The following CPM variants were observed in gnomAD, a reference collection of about 807,000 sequenced individuals.
The protein encoded by CPM is renal carboxypeptidase.
CPM carries 35 observed loss-of-function variants against 46.4 expected under a neutral mutation model. The observed-to-expected ratio is 0.75, with a 90% CI of 0.58 to 1.00. The LOEUF is 1.00. Among genes scored for constraint, CPM ranks in the 50% least tolerant of loss-of-function variants. The pLI is 0.00. For synonymous variants in CPM, 195 were observed against 195.3 expected, an observed-to-expected ratio of 1.00 and a Z score of 0.01; for missense variants, 422 against 530.4, an observed-to-expected ratio of 0.80 and a Z score of 2.01.
At chr12:68,848,632 A>G (rs1373794078), downstream of CPM, 1 of 152,232 alleles carries the variant, frequency 6.6e-6, no homozygotes, top group African/African-American at 2.4e-5. Context: ...CTCCCTACAA[A>G]AAAGGCCTTT....
At chr12:68,954,869 GA>G (rs1434061325) in intron 1 of CPM, among the ~76,000 whole-genome samples, 1 of 152,134 alleles carries the variant, frequency 6.6e-6, no homozygotes, top group Admixed American at 6.5e-5. Context: ...AAGTACAGAT[GA>G]AAAGTCCCCT....
chr12:68,867,080 G>A (rs772023308), intron 6 of CPM, 32 bp from the exon 7 acceptor site: 2 of 1,611,832 alleles, frequency 1.2e-6, no homozygotes. Context: ...TTTTGTTAGG[G>A]TCTAAAATTG....
At chr12:68,884,332 C>G (rs1224962504) in intron 3 of CPM, among the ~76,000 whole-genome samples, 1 of 152,094 alleles carries the variant, frequency 6.6e-6, no homozygotes, top group Admixed American at 6.6e-5. Flanking sequence ...TGCACCCACC[C>G]CAAAATCGGG....
intron 2 of CPM, among the ~76,000 whole-genome samples, chr12:68,906,648 C>T (rs952129715): frequency 6.6e-6 from 1 of 152,194 alleles, no homozygotes; most frequent in East Asian, 1.9e-4. Flanking sequence ...CGCCATCACA[C>T]CTGGCTAATT....
chr12:68,959,324 A>G (rs774388855), intron 1 of CPM, among the ~76,000 whole-genome samples: 3 of 152,234 alleles, frequency 2.0e-5, no homozygotes, highest in Non-Finnish European at 4.4e-5. Context: ...GAGACTCAGA[A>G]GTGTTTCAAA....
At position 68,893,036 on chromosome 12, in the gene CPM, T is replaced by C. The variant is rs572838142; in HGVS notation, c.161-7147A>G. Among the ~76,000 whole-genome samples the C allele has an allele frequency of 2.3e-3, 347 of 151,330 alleles. 3 individuals are homozygous for C. Among genetic ancestry groups the C allele is most frequent in the African/African-American group, 7.9e-3 (325 of 41,186 alleles). Reference sequence around the variant, plus strand: ...ATGCATGCAGGGCTTAAAACCTAGATGACAGGTTGATAAGGTGCAGCAAAC... The same window carrying C: ...ATGCATGCAGGGCTTAAAACCTAGACGACAGGTTGATAAGGTGCAGCAAAC... On this transcript the variant is annotated intron_variant, in intron 2 of 8. Coordinates refer to ENST00000551568, the MANE Select transcript of CPM (RefSeq NM_198320.5).
intron 2 of CPM, among the ~76,000 whole-genome samples, chr12:68,931,765 A>C (rs576336602): frequency 8.5e-6 from 1 of 117,724 alleles, no homozygotes; most frequent in African/African-American, 3.4e-5. Context: ...AAAAAAAAAA[A>C]AGAAAGAAAG....
At position 68,856,396 on chromosome 12, in the gene CPM, T is replaced by C. The variant is rs747222232; in HGVS notation, c.*41A>G. On this transcript the variant is annotated 3_prime_UTR_variant, in exon 9 of 9. Transcript: ENST00000551568. ...GCAGTAACCTGGAGTGAGCAATCCC[T>C]GATTCCAGGTGGTGATGTGGGTTGA... 15 of 1,591,684 alleles carry C rather than the reference T, an allele frequency of 9.4e-6. No homozygotes were observed. In the East Asian group the frequency reaches 3.4e-4, roughly 36 times the overall value.
intron 1 of CPM, among the ~76,000 whole-genome samples, chr12:68,943,207 C>A (rs962098907): frequency 1.3e-5 from 2 of 152,238 alleles, no homozygotes; most frequent in African/African-American, 2.4e-5. Context: ...GAGCAAGTCA[C>A]TGCACCTCTT....
At chr12:68,884,332 C>T (rs1224962504) in intron 3 of CPM, among the ~76,000 whole-genome samples, 2 of 152,094 alleles carry the variant, frequency 1.3e-5, no homozygotes, top group African/African-American at 4.8e-5. Flanking sequence ...TGCACCCACC[C>T]CAAAATCGGG....
At chr12:68,947,814 T>A (rs540817236) in intron 1 of CPM, among the ~76,000 whole-genome samples, 32 of 151,980 alleles carry the variant, frequency 2.1e-4, no homozygotes, top group African/African-American at 4.1e-4. Context: ...CCAGCTTTTT[T>A]AAAATTTTTT....
At chr12:68,958,855 C>T (rs1269172721) in intron 1 of CPM, among the ~76,000 whole-genome samples, 1 of 152,144 alleles carries the variant, frequency 6.6e-6, no homozygotes, top group African/African-American at 2.4e-5. Context: ...ATGTTATAGC[C>T]ACACGTGCCC....
intron 1 of CPM, among the ~76,000 whole-genome samples, chr12:68,951,657 G>A (rs1888937042): frequency 6.6e-6 from 1 of 152,166 alleles, no homozygotes; most frequent in Non-Finnish European, 1.5e-5. Flanking sequence ...TGCTGGCCGT[G>A]CCAGCCCCCA....
intron 1 of CPM, among the ~76,000 whole-genome samples, chr12:68,939,425 A>C (rs1888727340): frequency 6.6e-6 from 1 of 150,652 alleles, no homozygotes; most frequent in Non-Finnish European, 1.5e-5. Context: ...TACTAAAATC[A>C]TTCTACATTA....
At position 68,860,618 on chromosome 12, in the gene CPM, T is replaced by A. The variant is rs4913298; in HGVS notation, c.941-1547A>T. ...CTTCAATGGCATTATTTTGAAGAGC[T>A]ATTTACACTGTGCCCCCCTTAGGAG... On this transcript the variant is annotated intron_variant, in intron 7 of 8. Transcript: ENST00000551568. Among the ~76,000 whole-genome samples the A allele has an allele frequency of 6.7e-3, 1,023 of 152,238 alleles. 16 individuals carry two copies. The highest frequency in any genetic ancestry group is 0.023 in the African/African-American group (948 of 41,528).
intron 1 of CPM, among the ~76,000 whole-genome samples, chr12:68,962,938 C>T (rs974221397): frequency 2.0e-5 from 3 of 152,204 alleles, no homozygotes; most frequent in African/African-American, 7.2e-5. Flanking sequence ...CTGGACCAAA[C>T]CAATGTACAT....
intron 1 of CPM, among the ~76,000 whole-genome samples, chr12:68,940,208 T>C (rs886633960): frequency 5.3e-5 from 8 of 152,080 alleles, no homozygotes; most frequent in African/African-American, 1.9e-4. Flanking sequence ...CATATACCCT[T>C]TTCCTGCCCT....
At chr12:68,913,314 C>T (rs1291781872) in intron 2 of CPM, among the ~76,000 whole-genome samples, 1 of 152,058 alleles carries the variant, frequency 6.6e-6, no homozygotes, top group East Asian at 1.9e-4. Flanking sequence ...TGAATACAGG[C>T]AAATCAGTAG....
intron 3 of CPM, among the ~76,000 whole-genome samples, chr12:68,881,728 T>C (rs1215717959): frequency 4.4e-4 from 3 of 6,894 alleles, no homozygotes; most frequent in African/African-American, 9.9e-4. Flanking sequence ...TTTTTTTTTC[T>C]TTTTTTTTTT....
Sources: gnomAD v4.1 joint callset for allele counts (sites outside exome capture counted in the v4.1 genomes callset) on GRCh38, gnomAD v4.1.1 for gene constraint, MANE v1.5 for transcripts, NCBI Gene and HGNC (gene_info 2026-07-23, HGNC 2026-07-21) for gene names.